The following GALK2 variants were observed in gnomAD, a reference collection of about 807,000 sequenced individuals.
GALK2 encodes the protein N-acetylgalactosamine kinase.
In GALK2, 36 loss-of-function variants were observed where a neutral mutation model predicts 52.4. The ratio of observed to expected loss-of-function variants is 0.69; its 90% CI spans 0.53 to 0.91. The LOEUF (loss-of-function observed/expected upper bound fraction) is 0.91. GALK2 is among the 40% of genes least tolerant of loss of function. GALK2 has a pLI of 0.00. For synonymous variants in GALK2, 176 were observed against 199.1 expected, an observed-to-expected ratio of 0.88 and a Z score of 0.98; for missense variants, 579 against 559.1, an observed-to-expected ratio of 1.04 and a Z score of -0.36.
rs2038505656 is a variant in GALK2 at position 49,330,635 on chromosome 15, C to G, written c.*2476C>G. 1.3e-5 allele frequency: 2 copies of G among 152,070 alleles called. No individual in the cohort carries two copies. Among genetic ancestry groups the G allele is most frequent in the African/African-American group, 4.8e-5 (2 of 41,396 alleles). The allele number at this position is 152,070 out of a possible 1,614,324, so 9.4% of individuals were successfully genotyped here. Reference sequence around the variant, plus strand: ...TGACACTCAAATCATTTACCACTTACCAGCTGAGGTCACTTGCCCTTTATC... The same window carrying G: ...TGACACTCAAATCATTTACCACTTAGCAGCTGAGGTCACTTGCCCTTTATC... On this transcript the variant is annotated 3_prime_UTR_variant, in exon 10 of 10. Transcript: ENST00000560031.
At chr15:49,301,009 A>G (rs139587554) in intron 8 of GALK2, among the ~76,000 whole-genome samples, 160 of 152,310 alleles carry the variant, frequency 1.1e-3, no homozygotes, top group Non-Finnish European at 1.6e-3. Flanking sequence ...GGCAGGTCCG[A>G]TGGTAATGAA....
intron 5 of GALK2, among the ~76,000 whole-genome samples, chr15:49,250,944 A>G (rs1250154649): frequency 2.0e-5 from 3 of 152,320 alleles, no homozygotes; most frequent in Non-Finnish European, 4.4e-5. Flanking sequence ...TTAGAAGTTT[A>G]TAATTTCAGT....
chr15:49,365,865 A>G (rs1596587047), intron 3 of GALK2: 1 of 911,784 alleles, frequency 1.1e-6, no homozygotes. Flanking sequence ...TGCATTGTCC[A>G]TATGGCATCT....
chr15:49,178,417 C>A (rs2085692527), intron 1 of GALK2: 1 of 211,992 alleles, frequency 4.7e-6, no homozygotes, highest in South Asian at 8.2e-5. Context: ...CTTAGAACCC[C>A]ACAGTGGCGT....
At chr15:49,362,093 G>C (rs963551174) in intron 3 of GALK2, among the ~76,000 whole-genome samples, 1 of 152,144 alleles carries the variant, frequency 6.6e-6, no homozygotes, top group Middle Eastern at 3.4e-3. Context: ...TAATGGGTTT[G>C]TTTGCTGTGT....
At chr15:49,327,223 C>T (rs1272165092) in intron 9 of GALK2, 1 of 152,202 alleles carries the variant, frequency 6.6e-6, no homozygotes, top group Non-Finnish European at 1.5e-5. Flanking sequence ...TCAGATATAT[C>T]TCATCTGATG....
intron 8 of GALK2, among the ~76,000 whole-genome samples, chr15:49,302,326 T>C (rs1191605343): frequency 1.3e-5 from 2 of 152,184 alleles, no homozygotes; most frequent in Admixed American, 6.6e-5. Flanking sequence ...CCTTTATGGC[T>C]ATTTCCCATT....
intron 2 of GALK2, among the ~76,000 whole-genome samples, chr15:49,216,049 G>T (rs1445315563): frequency 6.6e-6 from 1 of 152,260 alleles, no homozygotes; most frequent in East Asian, 1.9e-4. Flanking sequence ...GAATTCCCTG[G>T]GTTGTCAGGC....
intron 3 of GALK2, among the ~76,000 whole-genome samples, chr15:49,340,358 G>C (rs1390834520): frequency 6.6e-6 from 1 of 151,882 alleles, no homozygotes; most frequent in East Asian, 2.0e-4. Context: ...GGGTGGGAGA[G>C]GGAGTTCCCC....
chr15:49,193,268 G>A (rs1449864176), intron 1 of GALK2, among the ~76,000 whole-genome samples: 3 of 151,984 alleles, frequency 2.0e-5, no homozygotes, highest in Non-Finnish European at 2.9e-5. Flanking sequence ...AAAGTGCTGG[G>A]ATTACAGGCG....
At chr15:49,289,105 A>C (rs2033673506) in intron 7 of GALK2, among the ~76,000 whole-genome samples, 1 of 152,134 alleles carries the variant, frequency 6.6e-6, no homozygotes, top group Non-Finnish European at 1.5e-5. Flanking sequence ...AATTGGATTA[A>C]GTTCTTTATG....
In GALK2 at chr15:49,356,162, C is replaced by T. The variant is rs549373390; in HGVS notation, c.427-11329C>T. Among the ~76,000 whole-genome samples, 975 of 152,136 alleles carry T rather than the reference C, an allele frequency of 6.4e-3. 17 individuals carry two copies. Among genetic ancestry groups the T allele is most frequent in the African/African-American group, 0.023 (938 of 41,478 alleles). On this transcript the variant is annotated intron_variant, in intron 3 of 3. Coordinates refer to the GALK2 transcript ENST00000558399. ...TGCCAAAATGTAAAGACCATCGAGA[C>T]TAGGAAGAAACTGCATCAACTAACG... is the stretch of plus-strand genomic sequence containing the variant.
intron 1 of GALK2, chr15:49,156,333 G>T: frequency 2.4e-6 from 1 of 418,830 alleles, no homozygotes; most frequent in Non-Finnish European, 4.5e-6. Flanking sequence ...GGAGATGGGG[G>T]CTGCGGTGAC....
At chr15:49,317,032 C>A (rs1477044057) in intron 8 of GALK2, among the ~76,000 whole-genome samples, 1 of 152,128 alleles carries the variant, frequency 6.6e-6, no homozygotes, top group East Asian at 1.9e-4. Flanking sequence ...CCAGTAACAG[C>A]ATCTTCTTTA....
intron 3 of GALK2, among the ~76,000 whole-genome samples, chr15:49,355,696 T>C (rs2043035177): frequency 1.3e-5 from 2 of 151,132 alleles, no homozygotes; most frequent in Admixed American, 1.3e-4. Flanking sequence ...ACTTCCCCAA[T>C]CTAGCAAGGC....
chr15:49,170,352 G>A lies in GALK2; in HGVS notation c.30G>A (p.Arg10=), dbSNP rs1595865186. 6.3e-7 allele frequency: 1 copy of A among 1,592,666 alleles called. No individual in the cohort carries two copies. The highest frequency in any genetic ancestry group is 1.3e-5 in the African/African-American group (1 of 74,718). Residue 10 remains arginine, a synonymous_variant, in exon 1 of 10, where the codon CGG becomes CGA. Coordinates refer to ENST00000560031, the MANE Select transcript of GALK2 (RefSeq NM_002044.4). MATESPATR[R]VQVAEHPRLL... is the part of the protein sequence containing the mutation. ...CTACAGAGAGCCCTGCTACGCGTCG[G>A]GTCCAGGTGGCAGAACATCCTAGGT...
chr15:49,334,568 C>T (rs1243491559), downstream of GALK2, among the ~76,000 whole-genome samples: 1 of 152,088 alleles, frequency 6.6e-6, no homozygotes, highest in Non-Finnish European at 1.5e-5. Flanking sequence ...TCCGTTTTTC[C>T]CACTAAGCAC....
At chr15:49,342,361 T>C (rs1041436194) in intron 3 of GALK2, among the ~76,000 whole-genome samples, 2 of 152,196 alleles carry the variant, frequency 1.3e-5, no homozygotes, top group African/African-American at 4.8e-5. Flanking sequence ...TGCTCTTTTT[T>C]GTTTTCCATT....
chr15:49,278,129 C>T (rs575495619), intron 5 of GALK2, among the ~76,000 whole-genome samples: 76 of 152,038 alleles, frequency 5.0e-4, no homozygotes, highest in South Asian at 1.9e-3. Context: ...GGCGTGGTGG[C>T]GGGCGCCTGT....
Sources: allele counts gnomAD v4.1 joint callset (sites outside exome capture counted in the v4.1 genomes callset), GRCh38; gene constraint gnomAD v4.1.1; transcripts MANE v1.5; gene names NCBI Gene and HGNC (gene_info 2026-07-23, HGNC 2026-07-21).